BCL2: variants seen among roughly 807,000 people sequenced by gnomAD.
The protein encoded by BCL2 is apoptosis regulator Bcl-2.
In BCL2, 1 loss-of-function variant was observed where a neutral mutation model predicts 14.2. The ratio of observed to expected loss-of-function variants is 0.07; its 90% confidence interval spans 0.02 to 0.33. BCL2 has a LOEUF of 0.33. BCL2 is among the 10% of genes least tolerant of loss of function. BCL2 has a pLI of 0.99. For missense variants in BCL2, 247 were observed against 305.9 expected (o/e 0.81, Z 1.44); for synonymous variants, 151 against 137.2 (o/e 1.10, Z -0.70).
chr18:63,168,813 T>C (rs935682966), intron 2 of BCL2, among the ~76,000 whole-genome samples: 6 of 152,192 alleles, frequency 3.9e-5, no homozygotes, highest in African/African-American at 1.2e-4. Flanking sequence ...CTGCATGTTG[T>C]AGGAAGAGAA....
Position 63,210,179 on chromosome 18 carries a change from C to T in BCL2, c.586-81420G>A, listed in dbSNP as rs181298957. ...AACTTTTTTCTAGGACTTCGGGGTC[C>T]TAAGTAAACTTGTGGGCAGTGAACA... On this transcript the variant is annotated intron_variant, in intron 2 of 2. Coordinates refer to ENST00000333681, the MANE Select transcript of BCL2 (RefSeq NM_000633.3). Among the ~76,000 whole-genome samples the T allele has an allele frequency of 7.9e-5, 12 of 152,258 alleles. 1 individual carries two copies. Among genetic ancestry groups the T allele is most frequent in the Admixed American group, 7.2e-4 (11 of 15,296 alleles).
intron 2 of BCL2, among the ~76,000 whole-genome samples, chr18:63,260,477 G>T (rs1911623239): frequency 6.6e-6 from 1 of 152,196 alleles, no homozygotes; most frequent in African/African-American, 2.4e-5. Context: ...TGACAGCAGG[G>T]TACCTCTGCA....
At chr18:63,269,232 G>A (rs1255717712) in intron 2 of BCL2, among the ~76,000 whole-genome samples, 1 of 152,096 alleles carries the variant, frequency 6.6e-6, no homozygotes, top group Non-Finnish European at 1.5e-5. Context: ...GAGATTATAG[G>A]TGTGACCCAC....
At chr18:63,151,493 G>A (rs1187668946) in intron 2 of BCL2, among the ~76,000 whole-genome samples, 3 of 128,772 alleles carry the variant, frequency 2.3e-5, no homozygotes, top group Admixed American at 8.4e-5. Flanking sequence ...TAGATGGGGG[G>A]CGATAACAGA....
intron 2 of BCL2, among the ~76,000 whole-genome samples, chr18:63,248,551 G>A (rs1368101458): frequency 6.6e-6 from 1 of 152,110 alleles, no homozygotes; most frequent in African/African-American, 2.4e-5. Flanking sequence ...TAGCTCCTAC[G>A]TTCATTTTAT....
intron 2 of BCL2, among the ~76,000 whole-genome samples, chr18:63,267,661 TG>T (rs1407143739): frequency 1.3e-5 from 2 of 152,216 alleles, no homozygotes; most frequent in African/African-American, 4.8e-5. Context: ...GAATTTCAGA[TG>T]AAGGACCTGC....
chr18:63,257,693 A>T (rs931696638), intron 2 of BCL2, among the ~76,000 whole-genome samples: 4 of 152,232 alleles, frequency 2.6e-5, no homozygotes, highest in Non-Finnish European at 4.4e-5. Flanking sequence ...ATGGGAGCCG[A>T]AAGAGTGAAT....
At chr18:63,252,721 G>A (rs530008264) in intron 2 of BCL2, among the ~76,000 whole-genome samples, 31 of 152,164 alleles carry the variant, frequency 2.0e-4, no homozygotes, top group Non-Finnish European at 4.3e-4. Context: ...CCCCAGCCAC[G>A]TGGAACTGTA....
chr18:63,126,683 CCTT>C lies in BCL2; in HGVS notation c.*1939_*1941del, dbSNP rs1292223040. On this transcript the variant is annotated 3_prime_UTR_variant, in exon 3 of 3. Transcript: ENST00000333681. ...TAGCTGAGACTCAGGGCTTATCTCA[CCTT>C]CTCAGAATGCTTTTGAAGAATCAAG... The C allele has an allele frequency of 4.4e-6, 1 of 227,156 alleles. No homozygotes were observed. Among genetic ancestry groups the C allele is most frequent in the South Asian group, 1.8e-4 (1 of 5,476 alleles). The allele number at this position is 227,156 out of a possible 1,614,324, so 14.1% of individuals were successfully genotyped here. A position where few individuals can be genotyped will look rare whatever the true frequency, so the allele number is the denominator to read the frequency against.
rs1914196311 is a variant in BCL2, at chr18:63,135,912, C to A, written c.586-7153G>T. ...TTCTTCCTATACTGTGCCTCTGAAACCACCCCCACAGAGACCACCAATACC... is the reference window on the plus strand; with the variant it reads ...TTCTTCCTATACTGTGCCTCTGAAAACACCCCCACAGAGACCACCAATACC... On this transcript the variant is annotated intron_variant, in intron 2 of 2. Transcript: ENST00000333681. Among the ~76,000 whole-genome samples, 3 of 152,132 alleles carry A rather than the reference C, an allele frequency of 2.0e-5. No individual in the cohort carries two copies. In the South Asian group the frequency reaches 6.2e-4, roughly 32 times the overall value.
chr18:63,199,634 GACAC>G (rs916744451), intron 2 of BCL2, among the ~76,000 whole-genome samples: 2 of 151,264 alleles, frequency 1.3e-5, no homozygotes, highest in Non-Finnish European at 2.9e-5. Context: ...CATACACAGA[GACAC>G]ACACATACAC....
At chr18:63,220,088 C>T (rs1910345028) in intron 2 of BCL2, among the ~76,000 whole-genome samples, 1 of 152,084 alleles carries the variant, frequency 6.6e-6, no homozygotes, top group Non-Finnish European at 1.5e-5. Flanking sequence ...GCATTTGGAG[C>T]CATGGAAGTA....
chr18:63,196,933 T>C (rs1396641193), intron 2 of BCL2, among the ~76,000 whole-genome samples: 1 of 152,160 alleles, frequency 6.6e-6, no homozygotes, highest in African/African-American at 2.4e-5. Flanking sequence ...TGAATATGCA[T>C]CAATCAGAAA....
chr18:63,239,679 G>T (rs1430698586), intron 2 of BCL2, among the ~76,000 whole-genome samples: 1 of 151,948 alleles, frequency 6.6e-6, no homozygotes, highest in Non-Finnish European at 1.5e-5. Context: ...GGTGGAGGTT[G>T]CAGTGAGCTG....
intron 2 of BCL2, among the ~76,000 whole-genome samples, chr18:63,193,575 AGTATGTAT>A (rs773896921): frequency 1.6e-5 from 2 of 127,964 alleles, no homozygotes; most frequent in Non-Finnish European, 3.4e-5. Context: ...AAGGCGGAGT[AGTATGTAT>A]GTGTGTGTGT....
At chr18:63,217,185 A>G (rs1259787230) in intron 2 of BCL2, among the ~76,000 whole-genome samples, 1 of 152,250 alleles carries the variant, frequency 6.6e-6, no homozygotes, top group African/African-American at 2.4e-5. Flanking sequence ...CAATTTTAGT[A>G]ATGCAATTCA....
At chr18:63,192,255 C>A (rs1909309273) in intron 2 of BCL2, among the ~76,000 whole-genome samples, 1 of 152,090 alleles carries the variant, frequency 6.6e-6, no homozygotes, top group African/African-American at 2.4e-5. Context: ...AAGTTAGGGG[C>A]AGTACAATGT....
rs1237230366 is a variant in BCL2 at position 63,126,713 on chromosome 18, G to A, written c.*1912C>T. The A allele has an allele frequency of 4.4e-6, 1 of 225,108 alleles. No homozygotes were observed. Among genetic ancestry groups the A allele is most frequent in the Non-Finnish European group, 8.8e-6 (1 of 113,050 alleles). The allele number at this position is 225,108 out of a possible 1,614,324, so 13.9% of individuals were successfully genotyped here. A position where few individuals can be genotyped will look rare whatever the true frequency, so the allele number is the denominator to read the frequency against. On this transcript the variant is annotated 3_prime_UTR_variant, in exon 3 of 3. Transcript: ENST00000333681. The stretch of plus-strand genomic sequence containing the variant: ...TCAGAATGCTTTTGAAGAATCAAGA[G>A]ATAAAAATCTCAAACAGAAAACGAT...
intron 2 of BCL2, among the ~76,000 whole-genome samples, chr18:63,299,288 C>T (rs1012944437): frequency 6.6e-6 from 1 of 152,224 alleles, no homozygotes; most frequent in African/African-American, 2.4e-5. Flanking sequence ...CTATTATGTG[C>T]TTGCCTTGCG....
Sources: allele counts gnomAD v4.1 joint callset (sites outside exome capture counted in the v4.1 genomes callset), GRCh38; gene constraint gnomAD v4.1.1; transcripts MANE v1.5; gene names NCBI Gene and HGNC (gene_info 2026-07-23, HGNC 2026-07-21).